Variants in FAM107A observed in about 807,000 individuals in gnomAD.
The protein encoded by FAM107A is family with sequence similarity 107 member A.
FAM107A carries 19 observed loss-of-function variants against 13.7 expected under a neutral mutation model. The observed-to-expected ratio is 1.38, with a 90% CI of 0.97 to 2.03. The LOEUF (loss-of-function observed/expected upper bound fraction) is 2.03, where lower values mean the gene tolerates loss of function less well. Among genes scored for constraint, FAM107A ranks in the 30% most tolerant of loss-of-function variants. The probability of loss-of-function intolerance (pLI) is 0.00; values close to 1 mark genes in which losing one functional copy is unlikely to be tolerated. For missense variants in FAM107A, 203 were observed against 184.4 expected (o/e 1.10, Z -0.58); for synonymous variants, 82 against 74.5 (o/e 1.10, Z -0.52).
chr3:58,621,334 G>GACCTGTGCC (rs2065953086), intron 1 of FAM107A, among the ~76,000 whole-genome samples: 1 of 152,144 alleles, frequency 6.6e-6, no homozygotes, highest in African/African-American at 2.4e-5. Flanking sequence ...CTGGGGTTGT[G>GACCTGTGCC]ACCTGTGCAG....
upstream of FAM107A, chr3:58,577,478 C>G: frequency 1.0e-6 from 1 of 985,388 alleles, no homozygotes. The surrounding 1 kb of genome is among the most constrained non-coding windows in gnomAD (Gnocchi z 4.9). Context: ...CTTTGCATTC[C>G]TGTTTATTCT....
At chr3:58,586,244 C>T (rs2065604607) in intron 1 of FAM107A, among the ~76,000 whole-genome samples, 1 of 145,654 alleles carries the variant, frequency 6.9e-6, no homozygotes, top group African/African-American at 2.6e-5. Context: ...CCTTCAGGCA[C>T]TTGTGTGAGT....
At chr3:58,607,733 G>T (rs995075759) in intron 1 of FAM107A, 1 of 152,236 alleles carries the variant, frequency 6.6e-6, no homozygotes, top group African/African-American at 2.4e-5. Flanking sequence ...GCAGCCTCAA[G>T]AAACTGGGTG....
intron 2 of FAM107A, among the ~76,000 whole-genome samples, chr3:58,568,962 A>G (rs912510479): frequency 3.3e-5 from 5 of 151,878 alleles, no homozygotes; most frequent in Non-Finnish European, 7.4e-5. Context: ...AAAGCCAGCC[A>G]CCATCCTGGG....
chr3:58,606,544 T>C (rs2065796531), intron 1 of FAM107A, among the ~76,000 whole-genome samples: 1 of 152,210 alleles, frequency 6.6e-6, no homozygotes, highest in Non-Finnish European at 1.5e-5. Flanking sequence ...CCTTAGGGAA[T>C]GCTATAGTCT....
intron 1 of FAM107A, among the ~76,000 whole-genome samples, chr3:58,594,076 C>T (rs1049505644): frequency 6.6e-6 from 1 of 152,068 alleles, no homozygotes; most frequent in Non-Finnish European, 1.5e-5. Flanking sequence ...CTTAGGTAAC[C>T]TTTCACCTTC....
rs2063665477 is a variant in FAM107A at position 58,569,981 on chromosome 3, T to G, written c.-5-116A>C. On this transcript the variant is annotated intron_variant, in intron 1 of 3. Coordinates refer to ENST00000360997, the MANE Select transcript of FAM107A (RefSeq NM_001076778.3). This position sits in a 1 kb window ranked among gnomAD's most constrained non-coding sequence, Gnocchi z 5.7. ...CAGATGGACCTTGGCCACCTGCTAC[T>G]GCGCATACCTGGGCAAGCTACCTGA... The G allele has an allele frequency of 7.0e-6, 7 of 999,926 alleles. No homozygotes were observed. Among genetic ancestry groups the G allele is most frequent in the Non-Finnish European group, 1.0e-5 (7 of 690,642 alleles). 61.9% of individuals were successfully genotyped at this position (999,926 alleles called of 1,614,324 possible).
intron 1 of FAM107A, among the ~76,000 whole-genome samples, chr3:58,596,614 G>A (rs2065709871): frequency 6.6e-6 from 1 of 151,874 alleles, no homozygotes; most frequent in East Asian, 1.9e-4. Context: ...GGGAGGTGGA[G>A]GTTGCAGTGA....
At chr3:58,567,472 T>A in intron 2 of FAM107A, 108 bp from the exon 3 acceptor site, 1 of 1,266,980 alleles carries the variant, frequency 7.9e-7, no homozygotes, top group Non-Finnish European at 1.1e-6. Context: ...TCTTGTGCAA[T>A]CCTCCCTGTA....
At chr3:58,576,180 G>A (rs1439922561) in intron 1 of FAM107A, among the ~76,000 whole-genome samples, 1 of 152,244 alleles carries the variant, frequency 6.6e-6, no homozygotes, top group African/African-American at 2.4e-5. Flanking sequence ...GCTTCTGGTC[G>A]ATGCTCGGAA....
rs1195409928 is a variant in FAM107A, at chr3:58,569,577, A to G, written c.170+114T>C. 3 of 863,918 alleles carry G rather than the reference A, an allele frequency of 3.5e-6. No homozygotes were observed. The highest frequency in any genetic ancestry group is 5.4e-6 in the Non-Finnish European group (3 of 557,678). The allele number at this position is 863,918 out of a possible 1,614,324, so 53.5% of individuals were successfully genotyped here. Reference sequence around the variant, plus strand: ...CATGTGGGGCACCTCAGCCTTCCTCAGTCTCCAGGAGCCCCAGGATGAAAG... The same window carrying G: ...CATGTGGGGCACCTCAGCCTTCCTCGGTCTCCAGGAGCCCCAGGATGAAAG... On this transcript the variant is annotated intron_variant, in intron 2 of 3. Coordinates refer to ENST00000360997, the MANE Select transcript of FAM107A (RefSeq NM_001076778.3). This position sits in a 1 kb window ranked among gnomAD's most constrained non-coding sequence, Gnocchi z 5.7.
At chr3:58,603,725 T>G (rs956762472) in intron 1 of FAM107A, among the ~76,000 whole-genome samples, 1 of 151,992 alleles carries the variant, frequency 6.6e-6, no homozygotes, top group African/African-American at 2.4e-5. Context: ...TATCTCTAAG[T>G]GAGGTACTTC....
chr3:58,596,504 C>G (rs928943065), intron 1 of FAM107A, among the ~76,000 whole-genome samples: 17 of 152,018 alleles, frequency 1.1e-4, no homozygotes, highest in African/African-American at 4.1e-4. Flanking sequence ...ATGAAGAAAC[C>G]CTGTTTCTAC....
rs1463110352 is a variant in FAM107A, at chr3:58,566,680, C to T, written c.343G>A (p.Glu115Lys). The T allele has an allele frequency of 1.9e-6, 3 of 1,613,816 alleles. No homozygotes were observed. Among genetic ancestry groups the T allele is most frequent in the East Asian group, 4.5e-5 (2 of 44,874 alleles). The change falls in exon 4 of 4, where the codon GAG (glutamate) becomes AAG (lysine). Residue 115 changes from glutamate to lysine, a missense_variant. Coordinates refer to ENST00000360997, the MANE Select transcript of FAM107A (RefSeq NM_001076778.3). ...TCGGGGGCGTGATCCTCTTCCTTCT[C>T]TGGTGGTTTTTCCAGCTGAAGGAGG... ...QRLNQLEKPP[E>K]KEEDHAPEFI... is the part of the protein sequence containing the mutation.
At chr3:58,602,558 G>T (rs533973782) in intron 1 of FAM107A, among the ~76,000 whole-genome samples, 1 of 152,268 alleles carries the variant, frequency 6.6e-6, no homozygotes, top group East Asian at 1.9e-4. Flanking sequence ...TATGGTAAAC[G>T]TCCAGCGATA....
rs57244654 is a variant in FAM107A, at chr3:58,599,696, A to ATTTTTTTTTTTTTTTTTTTT, written c.-69-10447_-69-10428dup. On this transcript the variant is annotated intron_variant, in intron 1 of 3. Coordinates refer to the FAM107A transcript ENST00000465970. ...GTGGTATACTTAAAACAAGTGCACCATTTTTTTTTTTTTTTTTTTTTTTTT... is the reference window on the plus strand; with the variant it reads ...GTGGTATACTTAAAACAAGTGCACCATTTTTTTTTTTTTTTTTTTTTTTTTTTTTTTTTTTTTTTTTTTTT... Among the ~76,000 whole-genome samples, 16 of 78,596 alleles carry ATTTTTTTTTTTTTTTTTTTT rather than the reference A, an allele frequency of 2.0e-4. 5 individuals are homozygous for ATTTTTTTTTTTTTTTTTTTT. Among genetic ancestry groups the ATTTTTTTTTTTTTTTTTTTT allele is most frequent in the Non-Finnish European group, 3.7e-4 (14 of 37,406 alleles). The allele number at this position is 78,596 out of a possible 152,430, so 51.6% of individuals were successfully genotyped here. A position where few individuals can be genotyped will look rare whatever the true frequency, so the allele number is the denominator to read the frequency against.
intron 1 of FAM107A, among the ~76,000 whole-genome samples, chr3:58,573,207 C>T (rs938152485): frequency 6.6e-6 from 1 of 152,148 alleles, no homozygotes; most frequent in Non-Finnish European, 1.5e-5. Flanking sequence ...GGGTGCTGAA[C>T]CCCAGCAAAC....
intron 1 of FAM107A, among the ~76,000 whole-genome samples, chr3:58,622,456 C>G (rs991171884): frequency 1.1e-4 from 16 of 152,118 alleles, no homozygotes; most frequent in South Asian, 2.1e-4. Flanking sequence ...TATGCCCCCC[C>G]CAAAAGAAAG....
rs145588721 is a variant in FAM107A at position 58,622,202 on chromosome 3, G to T, written c.-70+5214C>A. On this transcript the variant is annotated intron_variant, in intron 1 of 3. Transcript: ENST00000465970. ...ACCTGTAATCCCAGCACTTTGGGAG[G>T]CTGAGGTGGGTGGATCACTTGAGGT... 6.9e-3 allele frequency among the ~76,000 whole-genome samples: 1,058 copies of T among 152,284 alleles called. 8 individuals are homozygous for T. The highest frequency in any genetic ancestry group is 0.024 in the African/African-American group (996 of 41,544).
Sources: allele counts gnomAD v4.1 joint callset (sites outside exome capture counted in the v4.1 genomes callset), GRCh38; gene constraint gnomAD v4.1.1; non-coding constraint Gnocchi (gnomAD v3.1); transcripts MANE v1.5; gene names NCBI Gene and HGNC (gene_info 2026-07-23, HGNC 2026-07-21).